MAGI2: variants seen among roughly 807,000 people sequenced by gnomAD.
MAGI2 encodes the protein membrane associated guanylate kinase, WW and PDZ domain containing 2.
MAGI2 carries 35 observed loss-of-function variants against 133.3 expected under a neutral mutation model. The ratio of observed to expected loss-of-function variants is 0.26; its 90% CI spans 0.20 to 0.35. The LOEUF (loss-of-function observed/expected upper bound fraction) is 0.35, where lower values mean the gene tolerates loss of function less well. Ranked by LOEUF, MAGI2 falls within the 10% of genes least tolerant of loss-of-function variation. The pLI is 1.00. For missense variants in MAGI2, 1,636 were observed against 1,863.4 expected (o/e 0.88, Z 2.25); for synonymous variants, 729 against 710.6 (o/e 1.03, Z -0.41).
chr7:79,096,170 A>T (rs1817494244), intron 1 of MAGI2, among the ~76,000 whole-genome samples: 1 of 152,084 alleles, frequency 6.6e-6, no homozygotes, highest in Non-Finnish European at 1.5e-5. Flanking sequence ...CATTGCTGGG[A>T]TTCTCGTGTC....
intron 7 of MAGI2, among the ~76,000 whole-genome samples, chr7:78,366,349 G>A (rs1395669913): frequency 6.6e-6 from 1 of 152,020 alleles, no homozygotes; most frequent in African/African-American, 2.4e-5. Context: ...CGAAAATGTG[G>A]AGATAGCAAC....
At chr7:78,349,061 A>G (rs1397601707) in intron 7 of MAGI2, among the ~76,000 whole-genome samples, 1 of 152,214 alleles carries the variant, frequency 6.6e-6, no homozygotes. Context: ...CGTAGTATAC[A>G]GCATCCTAAA....
chr7:78,756,554 AG>A (rs1823967315), intron 2 of MAGI2, among the ~76,000 whole-genome samples: 1 of 152,172 alleles, frequency 6.6e-6, no homozygotes, highest in African/African-American at 2.4e-5. Context: ...CGCATTTGGC[AG>A]CTATGTTTGC....
rs112935477 is a variant in MAGI2, at chr7:78,602,041, G to A, written c.538+25079C>T. On this transcript the variant is annotated intron_variant, in intron 3 of 21. Transcript: ENST00000354212. The stretch of plus-strand genomic sequence containing the variant: ...ACATAGACAGTTCTACTGCCCAACT[G>A]TTTTAAGCATTTCAGAAGTCTACTA... Among the ~76,000 whole-genome samples the A allele has an allele frequency of 5.4e-4, 83 of 152,300 alleles. 2 individuals carry two copies. The highest frequency in any genetic ancestry group is 1.9e-3 in the African/African-American group (79 of 41,566).
intron 2 of MAGI2, among the ~76,000 whole-genome samples, chr7:78,656,817 A>G (rs1216968320): frequency 6.6e-6 from 1 of 152,094 alleles, no homozygotes; most frequent in South Asian, 2.1e-4. Flanking sequence ...TCAATGAAAT[A>G]AAAAAATAAG....
intron 2 of MAGI2, among the ~76,000 whole-genome samples, chr7:78,724,552 G>A (rs751615438): frequency 1.3e-5 from 2 of 152,206 alleles, no homozygotes; most frequent in East Asian, 1.9e-4. Context: ...AAGTATGGGC[G>A]CCCTTATTTA....
intron 1 of MAGI2, among the ~76,000 whole-genome samples, chr7:79,051,855 A>T (rs1434555131): frequency 1.3e-5 from 2 of 152,104 alleles, no homozygotes; most frequent in Non-Finnish European, 1.5e-5. Flanking sequence ...AATATTTGTT[A>T]ATTTTGACAT....
At chr7:79,157,618 T>C (rs1304569313) in intron 1 of MAGI2, among the ~76,000 whole-genome samples, 1 of 151,648 alleles carries the variant, frequency 6.6e-6, no homozygotes, top group Non-Finnish European at 1.5e-5. Flanking sequence ...ACAAGCAGAA[T>C]GACCCCCTTT....
chr7:79,158,397 C>T (rs1824027094), intron 1 of MAGI2, among the ~76,000 whole-genome samples: 1 of 151,928 alleles, frequency 6.6e-6, no homozygotes, highest in Non-Finnish European at 1.5e-5. Flanking sequence ...TTTCCAAGTT[C>T]ACGTGACTTA....
rs1794835878 is a variant in MAGI2, at chr7:78,869,255, T to C, written c.418+137835A>G. On this transcript the variant is annotated intron_variant, in intron 2 of 21. Transcript: ENST00000354212. ...GGGTCCCATCTATTTATTTTTGTTA[T>C]TGTTGCATTTGATTTTAGGTTTTTG... Among the ~76,000 whole-genome samples, 3 of 152,198 alleles carry C rather than the reference T, an allele frequency of 2.0e-5. No individual in the cohort carries two copies. In the South Asian group the frequency reaches 6.2e-4, roughly 31 times the overall value.
intron 9 of MAGI2, among the ~76,000 whole-genome samples, chr7:78,336,654 G>A (rs1789796929): frequency 6.6e-6 from 1 of 152,150 alleles, no homozygotes; most frequent in Non-Finnish European, 1.5e-5. Flanking sequence ...GAGCCTAGGA[G>A]CTGGAGGCTA....
At chr7:78,405,947 G>A (rs1797336666) in intron 6 of MAGI2, among the ~76,000 whole-genome samples, 1 of 151,854 alleles carries the variant, frequency 6.6e-6, no homozygotes, top group Admixed American at 6.6e-5. Flanking sequence ...GCAGAGAAAT[G>A]GGGAGCTGGT....
chr7:79,140,415 T>C (rs1462071427), intron 1 of MAGI2, among the ~76,000 whole-genome samples: 1 of 152,212 alleles, frequency 6.6e-6, no homozygotes, highest in Non-Finnish European at 1.5e-5. Context: ...CCATTATTAA[T>C]AGGCCTCAGA....
At chr7:78,719,979 C>A (rs777135858) in intron 2 of MAGI2, among the ~76,000 whole-genome samples, 9 of 152,028 alleles carry the variant, frequency 5.9e-5, no homozygotes, top group Non-Finnish European at 1.3e-4. Context: ...TAAATCTACT[C>A]GGTTATCTTT....
At chr7:79,401,882 T>G (rs1398588358) in intron 1 of MAGI2, among the ~76,000 whole-genome samples, 1 of 152,100 alleles carries the variant, frequency 6.6e-6, no homozygotes, top group African/African-American at 2.4e-5. Context: ...AATACAAACA[T>G]AAAAATTTGA....
At chr7:79,048,535 A>G (rs569958653) in intron 1 of MAGI2, among the ~76,000 whole-genome samples, 5 of 152,358 alleles carry the variant, frequency 3.3e-5, no homozygotes, top group Middle Eastern at 3.4e-3. Flanking sequence ...TTATCACATT[A>G]AATATTTAGA....
chr7:78,706,363 A>AC (rs1018508399), intron 2 of MAGI2, among the ~76,000 whole-genome samples: 4 of 148,754 alleles, frequency 2.7e-5, no homozygotes, highest in Admixed American at 6.7e-5. Context: ...AGTGCCTTTC[A>AC]CCCCCCGCCA....
intron 3 of MAGI2, among the ~76,000 whole-genome samples, chr7:78,596,476 T>C (rs1804624630): frequency 6.6e-6 from 1 of 152,200 alleles, no homozygotes; most frequent in Non-Finnish European, 1.5e-5. Context: ...TTCAAGGATG[T>C]GGGCTATGAT....
chr7:78,902,195 T>C (rs1797663711), intron 2 of MAGI2, among the ~76,000 whole-genome samples: 1 of 152,186 alleles, frequency 6.6e-6, no homozygotes, highest in Admixed American at 6.5e-5. Flanking sequence ...TCCAAAATGA[T>C]GTTTAGTTTT....
Sources: gnomAD v4.1 joint callset for allele counts (sites outside exome capture counted in the v4.1 genomes callset) on GRCh38, gnomAD v4.1.1 for gene constraint, MANE v1.5 for transcripts, NCBI Gene and HGNC (gene_info 2026-07-23, HGNC 2026-07-21) for gene names.